The following KIF1B variants were observed in gnomAD, a reference collection of about 807,000 sequenced individuals.
KIF1B encodes kinesin family member 1B.
Under a neutral mutation model 241.9 loss-of-function variants are expected in KIF1B, and 76 were observed. That is an observed-to-expected ratio of 0.31 (90% CI 0.26 to 0.38). The LOEUF is 0.38. Ranked by LOEUF, KIF1B falls within the 10% of genes least tolerant of loss-of-function variation. The pLI is 1.00. For missense variants in KIF1B, 1,622 were observed against 2,271.4 expected (o/e 0.71, Z 5.81); for synonymous variants, 750 against 796.7 (o/e 0.94, Z 0.99).
In KIF1B at chr1:10,374,177, T is replaced by G; in HGVS notation, c.4947-139T>G. 1.2e-6 allele frequency: 1 copy of G among 859,064 alleles called. No homozygotes were observed. 53.2% of individuals were successfully genotyped at this position (859,064 alleles called of 1,614,324 possible). A position where few individuals can be genotyped will look rare whatever the true frequency, so the allele number is the denominator to read the frequency against. On this transcript the variant is annotated intron_variant, in intron 45 of 48. Transcript: ENST00000676179. The surrounding 1 kb of genome is among the most constrained non-coding windows in gnomAD (Gnocchi z 4.3). Reference sequence around the variant, plus strand: ...TCTGAAGCCAGCTTGTCTCCTCAGCTGAGCTCTCTGCAACTCAAGTTTGCA... The same window carrying G: ...TCTGAAGCCAGCTTGTCTCCTCAGCGGAGCTCTCTGCAACTCAAGTTTGCA...
rs72865956 is a variant in KIF1B, at chr1:10,275,194, C to G, written c.883-234C>G. ...GGGTATGGTAGCTCATTATACTGCT[C>G]TCTCAACTGTTGTGTATATTACACA... On this transcript the variant is annotated intron_variant, in intron 10 of 48. Coordinates refer to ENST00000676179, the MANE Select transcript of KIF1B (RefSeq NM_001365951.3). Among the ~76,000 whole-genome samples the G allele has an allele frequency of 3.3e-3, 497 of 152,254 alleles. 4 individuals are homozygous for G. The highest frequency in any genetic ancestry group is 0.012 in the African/African-American group (482 of 41,534).
chr1:10,353,958 T>C (rs193162284), intron 38 of KIF1B, among the ~76,000 whole-genome samples: 33 of 152,346 alleles, frequency 2.2e-4, no homozygotes, highest in African/African-American at 7.7e-4. Flanking sequence ...CACATTTTCT[T>C]TGTAGCTATG....
chr1:10,217,806 G>T (rs569460624), intron 1 of KIF1B, among the ~76,000 whole-genome samples: 1 of 147,670 alleles, frequency 6.8e-6, no homozygotes, highest in African/African-American at 2.5e-5. Flanking sequence ...GTACTCCCCC[G>T]TGATGCTGAT....
At chr1:10,294,705 T>C (rs1243521714) in intron 17 of KIF1B, among the ~76,000 whole-genome samples, 1 of 152,034 alleles carries the variant, frequency 6.6e-6, no homozygotes, top group Non-Finnish European at 1.5e-5. Context: ...CTGCCTCCAC[T>C]AAAAATAGAA....
In KIF1B at chr1:10,258,482, A is replaced by T. The variant is rs1390896579; in HGVS notation, c.184-11A>T. 6.2e-6 allele frequency: 10 copies of T among 1,612,172 alleles called. No homozygotes were observed. Among genetic ancestry groups the T allele is most frequent in the Non-Finnish European group, 8.5e-6 (10 of 1,178,346 alleles). ...TAAAAGGTTATTTATTTCTCCTTTT[A>T]CTCTTTACAGCCCGAAGATCCCTGT... On this transcript the variant is annotated splice_polypyrimidine_tract_variant and intron_variant, in intron 3 of 48. Coordinates refer to ENST00000676179, the MANE Select transcript of KIF1B (RefSeq NM_001365951.3).
intron 37 of KIF1B, among the ~76,000 whole-genome samples, chr1:10,352,184 G>A (rs1402083870): frequency 6.7e-6 from 1 of 149,290 alleles, no homozygotes; most frequent in Admixed American, 6.6e-5. Context: ...GAACGGGGGA[G>A]GTGTGAATAG....
intron 5 of KIF1B, among the ~76,000 whole-genome samples, chr1:10,266,031 G>C (rs1042959674): frequency 2.0e-5 from 3 of 152,100 alleles, no homozygotes; most frequent in African/African-American, 7.2e-5. Context: ...GATACAGAAG[G>C]ATCTGTTTCC....
chr1:10,218,666 C>G (rs1444107500), intron 1 of KIF1B, among the ~76,000 whole-genome samples: 1 of 152,194 alleles, frequency 6.6e-6, no homozygotes, highest in Non-Finnish European at 1.5e-5. Flanking sequence ...AGTGATCCAC[C>G]CGCCTTGGCC....
chr1:10,313,887 AATTATT>A (rs879403654), intron 22 of KIF1B, among the ~76,000 whole-genome samples: 1 of 147,902 alleles, frequency 6.8e-6, no homozygotes, highest in African/African-American at 2.5e-5. Context: ...CTACTGAAAA[AATTATT>A]ATTATTATTA....
chr1:10,300,984 AT>A (rs1392898239), intron 22 of KIF1B, among the ~76,000 whole-genome samples: 1 of 152,168 alleles, frequency 6.6e-6, no homozygotes, highest in Non-Finnish European at 1.5e-5. Context: ...AGGCCAAATT[AT>A]TATTATTATT....
chr1:10,295,062 T>G, intron 17 of KIF1B, 24 bp from the exon 18 acceptor site: 1 of 1,527,916 alleles, frequency 6.5e-7, no homozygotes, highest in Middle Eastern at 1.7e-4. Flanking sequence ...CTGCTCCAAA[T>G]TGATCATCTG....
intron 26 of KIF1B, 60 bp downstream of exon 26, chr1:10,324,955 A>C: frequency 6.3e-7 from 1 of 1,590,030 alleles, no homozygotes; most frequent in Admixed American, 1.7e-5. Flanking sequence ...AAGTGTTTAA[A>C]ACCTGAGCAG....
intron 22 of KIF1B, among the ~76,000 whole-genome samples, chr1:10,300,037 G>A (rs2102264502): frequency 6.6e-6 from 1 of 151,886 alleles, no homozygotes; most frequent in African/African-American, 2.4e-5. Flanking sequence ...AGGAGTTCGA[G>A]ACCAGCCTGG....
chr1:10,222,652 A>G (rs576939582), intron 1 of KIF1B, among the ~76,000 whole-genome samples: 4 of 152,370 alleles, frequency 2.6e-5, no homozygotes, highest in South Asian at 4.1e-4. Context: ...TGGGAATTCT[A>G]CAAGATCAAA....
At chr1:10,243,282 A>G (rs547340191) in intron 2 of KIF1B, among the ~76,000 whole-genome samples, 51 of 152,142 alleles carry the variant, frequency 3.4e-4, no homozygotes, top group Non-Finnish European at 1.0e-4. Context: ...AGCTGGGCCT[A>G]GTGGCACATG....
chr1:10,341,149 C>A (rs1323006117), intron 32 of KIF1B, among the ~76,000 whole-genome samples: 1 of 152,196 alleles, frequency 6.6e-6, no homozygotes, highest in Non-Finnish European at 1.5e-5. Flanking sequence ...AAATAAAATG[C>A]ATACATAAAC....
Position 10,376,864 on chromosome 1 carries a change from CACAT to C in KIF1B, c.*281_*284del, listed in dbSNP as rs59951455. 0.03 allele frequency: 13,188 copies of C among 433,414 alleles called. 126 individuals carry two copies. The highest frequency in any genetic ancestry group is 0.075 in the East Asian group (1,922 of 25,702). 26.8% of individuals were successfully genotyped at this position (433,414 alleles called of 1,614,324 possible). ...ACACACACACACACACACACACACA[CACAT>C]ACACAGACAAAAACACAAAAACTCT... is the stretch of plus-strand genomic sequence containing the variant. On this transcript the variant is annotated 3_prime_UTR_variant, in exon 49 of 49. Coordinates refer to ENST00000676179, the MANE Select transcript of KIF1B (RefSeq NM_001365951.3).
intron 5 of KIF1B, among the ~76,000 whole-genome samples, chr1:10,263,069 G>A (rs1012113406): frequency 2.6e-5 from 4 of 151,938 alleles, no homozygotes; most frequent in African/African-American, 9.7e-5. Context: ...GATCACTTGA[G>A]GCCAGGAGTT....
intron 4 of KIF1B, 94 bp downstream of exon 4, chr1:10,258,766 C>G: frequency 8.0e-7 from 1 of 1,257,032 alleles, no homozygotes; most frequent in Non-Finnish European, 1.1e-6. Context: ...AACATTTATG[C>G]GGGGATTGTT....
Sources: allele counts gnomAD v4.1 joint callset (sites outside exome capture counted in the v4.1 genomes callset), GRCh38; gene constraint gnomAD v4.1.1; non-coding constraint Gnocchi (gnomAD v3.1); transcripts MANE v1.5; gene names NCBI Gene and HGNC (gene_info 2026-07-23, HGNC 2026-07-21).